Variants in ACSL6 observed in about 807,000 individuals in gnomAD.
ACSL6 encodes long-chain-fatty-acid--CoA ligase 6.
ACSL6 carries 47 observed loss-of-function variants against 98.2 expected under a neutral mutation model. That is an observed-to-expected ratio of 0.48 (90% confidence interval 0.38 to 0.61). The LOEUF (loss-of-function observed/expected upper bound fraction) is 0.61, where lower values mean the gene tolerates loss of function less well. ACSL6 is among the 20% of genes least tolerant of loss of function. ACSL6 has a pLI of 0.00. For missense variants in ACSL6, 761 were observed against 913.4 expected, an observed-to-expected ratio of 0.83 and a Z score of 2.15; for synonymous variants, 362 against 336.9, an observed-to-expected ratio of 1.07 and a Z score of -0.82.
intron 16 of ACSL6, 121 bp downstream of exon 16, chr5:131,967,819 A>G (rs1753099116): frequency 1.2e-6 from 1 of 833,630 alleles, no homozygotes. Flanking sequence ...AGTCAAATTA[A>G]TCAGTAGTTT....
intron 15 of ACSL6, among the ~76,000 whole-genome samples, chr5:131,968,972 T>C (rs1277925927): frequency 6.6e-6 from 1 of 152,164 alleles, no homozygotes; most frequent in African/African-American, 2.4e-5. Flanking sequence ...AAAGGATGAC[T>C]TGAGAGGGAA....
chr5:132,011,696 C>T, upstream of ACSL6: 1 of 1,270,286 alleles, frequency 7.9e-7, no homozygotes, highest in Non-Finnish European at 9.9e-7. The surrounding 1 kb of genome is among the most constrained non-coding windows in gnomAD (Gnocchi z 5.4). Flanking sequence ...GGCCCCGCAG[C>T]TCCCGCCTCC....
Position 131,963,103 on chromosome 5 carries a change from T to C in ACSL6, c.1714-425A>G, listed in dbSNP as rs561519203. ...TTCACTCCCTTAGACCACACTCAAG[T>C]CTCTTGCCCAGCTACTGTCTCCACC... is the stretch of plus-strand genomic sequence containing the variant. On this transcript the variant is annotated intron_variant, in intron 17 of 20. Transcript: ENST00000651883. 2.6e-5 allele frequency among the ~76,000 whole-genome samples: 4 copies of C among 152,062 alleles called. No individual in the cohort carries two copies. In the South Asian group the frequency reaches 8.3e-4, roughly 32 times the overall value.
Position 131,952,420 on chromosome 5 carries a change from T to G in ACSL6, c.*1814A>C, listed in dbSNP as rs188918735. On this transcript the variant is annotated 3_prime_UTR_variant, in exon 21 of 21. Coordinates refer to ENST00000651883, the MANE Select transcript of ACSL6 (RefSeq NM_001009185.3). ...TATATAATCACTGATGCATATTTAT[T>G]CAGTAGGCCCATGTGATTATGTGGT... 3 of 211,504 alleles carry G rather than the reference T, an allele frequency of 1.4e-5. No individual in the cohort carries two copies. In the East Asian group the frequency reaches 2.1e-4, roughly 15 times the overall value. 13.1% of individuals were successfully genotyped at this position (211,504 alleles called of 1,614,324 possible). A position where few individuals can be genotyped will look rare whatever the true frequency, so the allele number is the denominator to read the frequency against.
At chr5:131,988,576 G>C (rs73264100) in intron 6 of ACSL6, 1 of 1,612,874 alleles carries the variant, frequency 6.2e-7, no homozygotes, top group Non-Finnish European at 8.5e-7. Context: ...GGCTGTTGCA[G>C]AGGCTCCTTC....
rs548128233 is a variant in ACSL6 at position 131,953,385 on chromosome 5, G to A, written c.*849C>T. The A allele has an allele frequency of 6.5e-5, 12 of 183,838 alleles. No individual in the cohort carries two copies. The South Asian group carries it at 9.8e-4, about 15-fold the overall frequency. 11.4% of individuals were successfully genotyped at this position (183,838 alleles called of 1,614,324 possible). A position where few individuals can be genotyped will look rare whatever the true frequency, so the allele number is the denominator to read the frequency against. ...TCCTAGCACTTAGGGAGGCCAAGGC[G>A]GGAGGATCCCTTGAGCTCAGGAGTT... is the stretch of plus-strand genomic sequence containing the variant. On this transcript the variant is annotated 3_prime_UTR_variant, in exon 21 of 21. Coordinates refer to ENST00000651883, the MANE Select transcript of ACSL6 (RefSeq NM_001009185.3).
chr5:131,983,059 T>A (rs1339501250), intron 9 of ACSL6: 2 of 152,260 alleles, frequency 1.3e-5, no homozygotes, highest in Non-Finnish European at 2.9e-5. Flanking sequence ...TTATGTTTTT[T>A]AAAAGCACTG....
intron 1 of ACSL6, among the ~76,000 whole-genome samples, chr5:132,003,246 C>G (rs1755190484): frequency 6.6e-6 from 1 of 152,206 alleles, no homozygotes; most frequent in African/African-American, 2.4e-5. Flanking sequence ...AAAGGCTGTG[C>G]TGGTCAACGG....
At chr5:131,955,817 AG>A (rs1398205125) in intron 20 of ACSL6, among the ~76,000 whole-genome samples, 1 of 152,234 alleles carries the variant, frequency 6.6e-6, no homozygotes, top group Non-Finnish European at 1.5e-5. Flanking sequence ...ATTTAACCTT[AG>A]TTACAGGGAT....
intron 1 of ACSL6, among the ~76,000 whole-genome samples, chr5:132,010,852 G>T (rs1755679467): frequency 6.6e-6 from 1 of 152,176 alleles, no homozygotes. Context: ...AAGCGCGGAG[G>T]CGGGATCGAG....
rs1755705851 is a variant in ACSL6 at position 132,011,212 on chromosome 5, T to A, written c.49+293A>T. ...GCCTAATCTGATCCGCGGATGGTCC[T>A]TGCCATCAGGGAAGGGGGACGCAAG... On this transcript the variant is annotated intron_variant, in intron 1 of 20. Coordinates refer to ENST00000651883, the MANE Select transcript of ACSL6 (RefSeq NM_001009185.3). This position sits in a 1 kb window ranked among gnomAD's most constrained non-coding sequence, Gnocchi z 5.4. Among the ~76,000 whole-genome samples, 1 of 152,110 alleles carries A rather than the reference T, an allele frequency of 6.6e-6. No individual in the cohort carries two copies. The highest frequency in any genetic ancestry group is 2.4e-5 in the African/African-American group (1 of 41,434).
chr5:131,994,980 G>A (rs979759284), intron 1 of ACSL6, among the ~76,000 whole-genome samples: 1 of 152,200 alleles, frequency 6.6e-6, no homozygotes, highest in Non-Finnish European at 1.5e-5. Context: ...CAAGGCAGGT[G>A]GCAGAGGAGA....
chr5:131,957,782 T>C (rs898219918), intron 20 of ACSL6, among the ~76,000 whole-genome samples: 6 of 152,246 alleles, frequency 3.9e-5, no homozygotes, highest in African/African-American at 1.4e-4. Flanking sequence ...GGATCACAAC[T>C]GAGAGCACAC....
At chr5:132,008,279 G>T (rs942485317) in intron 1 of ACSL6, among the ~76,000 whole-genome samples, 6 of 152,214 alleles carry the variant, frequency 3.9e-5, no homozygotes, top group African/African-American at 1.4e-4. Flanking sequence ...AGCCCAGAGT[G>T]GGGTAAGGGG....
At chr5:131,968,510 T>C (rs1424711709) in intron 15 of ACSL6, among the ~76,000 whole-genome samples, 4 of 152,214 alleles carry the variant, frequency 2.6e-5, no homozygotes, top group Admixed American at 1.3e-4. Flanking sequence ...TCTGATTCAC[T>C]GGGTTTGGAA....
intron 2 of ACSL6, among the ~76,000 whole-genome samples, chr5:131,991,563 G>C (rs996435131): frequency 6.6e-6 from 1 of 152,208 alleles, no homozygotes; most frequent in Non-Finnish European, 1.5e-5. Flanking sequence ...TGCAATGGGG[G>C]AGGAGAGGCA....
chr5:132,011,760 C>G (rs916565443), upstream of ACSL6: 4 of 1,310,386 alleles, frequency 3.1e-6, no homozygotes, highest in Non-Finnish European at 3.9e-6. This position sits in a 1 kb window ranked among gnomAD's most constrained non-coding sequence, Gnocchi z 5.4. Context: ...CACTCGCAAC[C>G]GAGCCTTACT....
intron 3 of ACSL6, 25 bp from the exon 4 acceptor site, chr5:131,990,189 T>A: frequency 6.2e-7 from 1 of 1,613,302 alleles, no homozygotes; most frequent in East Asian, 2.2e-5. Context: ...GAAAGCCTTG[T>A]GTCAGAGAGG....
At chr5:131,986,977 A>G (rs1754230635) in intron 7 of ACSL6, 123 bp from the exon 8 acceptor site, 7 of 84,424 alleles carry the variant, frequency 8.3e-5, no homozygotes, top group Non-Finnish European at 3.3e-4. Context: ...ACATACCCAC[A>G]CACTCACACA....
Sources: gnomAD v4.1 joint callset for allele counts (sites outside exome capture counted in the v4.1 genomes callset) on GRCh38, gnomAD v4.1.1 for gene constraint, Gnocchi (gnomAD v3.1) non-coding constraint, MANE v1.5 for transcripts, NCBI Gene and HGNC (gene_info 2026-07-23, HGNC 2026-07-21) for gene names.